The following TGM6 variants were observed in gnomAD, a reference collection of about 807,000 sequenced individuals.
TGM6 encodes the protein transglutaminase 6.
Under a neutral mutation model 77.5 loss-of-function variants are expected in TGM6, and 74 were observed. The observed-to-expected ratio is 0.96, with a 90% CI of 0.79 to 1.16. TGM6 has a LOEUF of 1.16. Ranked by LOEUF, TGM6 falls within the 50% of genes most tolerant of loss-of-function variation. The pLI, the probability that TGM6 is intolerant of heterozygous loss-of-function variation, is 0.00. For missense variants in TGM6, 968 were observed against 940.2 expected (o/e 1.03, Z -0.39); for synonymous variants, 383 against 378.9 (o/e 1.01, Z -0.12).
chr20:2,399,466 C>T, intron 5 of TGM6, 95 bp from the exon 6 acceptor site: 1 of 1,574,506 alleles, frequency 6.4e-7, no homozygotes. Context: ...CCCCGATGGA[C>T]CTGGTGGTCC....
chr20:2,395,346 T>C lies in TGM6; in HGVS notation c.334T>C (p.Tyr112His), dbSNP rs2084657402. ...CCCTCCCAGTGCTGTCATTGGCCGC[T>C]ACCTGCTGAGCATCAGGCTTTCCTC... ...ASPPSAVIGR[Y>H]LLSIRLSSHR... is the part of the protein sequence containing the mutation. Residue 112 changes from tyrosine to histidine, a missense_variant, in exon 3 of 13, where the codon TAC becomes CAC. Tyr to His is a moderately conservative substitution (Grantham distance 83). Coordinates refer to ENST00000202625, the MANE Select transcript of TGM6 (RefSeq NM_198994.3). 1.9e-6 allele frequency: 3 copies of C among 1,614,236 alleles called. No homozygotes were observed. Among genetic ancestry groups the C allele is most frequent in the Non-Finnish European group, 2.5e-6 (3 of 1,180,040 alleles).
intron 7 of TGM6, among the ~76,000 whole-genome samples, chr20:2,402,217 A>G (rs925954964): frequency 2.6e-5 from 4 of 152,114 alleles, no homozygotes; most frequent in Admixed American, 6.5e-5. Context: ...ACTCCAGCCT[A>G]GGTGACAGAG....
chr20:2,407,871 G>A (rs2084762366), intron 9 of TGM6, among the ~76,000 whole-genome samples: 1 of 152,122 alleles, frequency 6.6e-6, no homozygotes, highest in Non-Finnish European at 1.5e-5. Context: ...AGAGGCAAGG[G>A]GACAAAGAGA....
At chr20:2,386,024 G>A (rs1187295091) in intron 1 of TGM6, among the ~76,000 whole-genome samples, 3 of 152,188 alleles carry the variant, frequency 2.0e-5, no homozygotes, top group African/African-American at 7.2e-5. Flanking sequence ...CTGAGCACAT[G>A]GAAGGGGTGA....
chr20:2,417,703 C>G lies in TGM6; in HGVS notation c.1678+130C>G. ...GAAGGGGACATTCCTGAGCATTGTGCTCAGTGCCTTGCCTCTTGTCCCGAC... is the reference window on the plus strand; with the variant it reads ...GAAGGGGACATTCCTGAGCATTGTGGTCAGTGCCTTGCCTCTTGTCCCGAC... On this transcript the variant is annotated intron_variant, in intron 10 of 12. Coordinates refer to ENST00000202625, the MANE Select transcript of TGM6 (RefSeq NM_198994.3). 3.7e-6 allele frequency: 4 copies of G among 1,087,032 alleles called. No individual in the cohort carries two copies. The South Asian group carries it at 4.1e-5, about 11-fold the overall frequency. The allele number at this position is 1,087,032 out of a possible 1,614,324, so 67.3% of individuals were successfully genotyped here.
chr20:2,415,530 C>G (rs559543837), intron 9 of TGM6, among the ~76,000 whole-genome samples: 2 of 152,244 alleles, frequency 1.3e-5, no homozygotes, highest in East Asian at 3.9e-4. Flanking sequence ...TTAATGAAAA[C>G]AGTAATAAAA....
intron 7 of TGM6, among the ~76,000 whole-genome samples, chr20:2,402,036 G>T (rs553983998): frequency 6.6e-6 from 1 of 151,962 alleles, no homozygotes; most frequent in African/African-American, 2.4e-5. Flanking sequence ...TCAGGAGTTC[G>T]AGACCAGCCT....
intron 9 of TGM6, among the ~76,000 whole-genome samples, chr20:2,415,900 G>A (rs929828450): frequency 1.3e-5 from 2 of 152,138 alleles, no homozygotes; most frequent in African/African-American, 4.8e-5. Flanking sequence ...TGTATCAGGG[G>A]CCCTAAACTC....
At chr20:2,387,928 G>A (rs1011634222) in intron 1 of TGM6, among the ~76,000 whole-genome samples, 7 of 152,196 alleles carry the variant, frequency 4.6e-5, no homozygotes, top group African/African-American at 1.4e-4. Flanking sequence ...TGGGTTGGAA[G>A]CCTTGGTTCG....
chr20:2,400,982 C>G lies in TGM6; in HGVS notation c.989+538C>G, dbSNP rs931852295. ...TGAACCCAGGAGGCAGAGGTTGCAG[C>G]GAGCTGAGATCACACCATTACACTC... is the stretch of plus-strand genomic sequence containing the variant. On this transcript the variant is annotated intron_variant, in intron 7 of 12. Transcript: ENST00000202625. Among the ~76,000 whole-genome samples, 4 of 152,082 alleles carry G rather than the reference C, an allele frequency of 2.6e-5. No homozygotes were observed. The East Asian group carries it at 7.8e-4, about 29-fold the overall frequency.
intron 3 of TGM6, 53 bp from the exon 4 acceptor site, chr20:2,396,453 G>A: frequency 6.3e-7 from 1 of 1,581,242 alleles, no homozygotes; most frequent in Non-Finnish European, 8.7e-7. Context: ...CCCTTCCCCA[G>A]GCCAGCAAGG....
At position 2,396,590 on chromosome 20, in the gene TGM6, A is replaced by G; in HGVS notation, c.509A>G (p.Lys170Arg). The change falls in exon 4 of 13, where the codon AAG (lysine) becomes AGG (arginine). Residue 170 changes from lysine to arginine, a missense_variant. Transcript: ENST00000202625. Reference sequence around the variant, plus strand: ...GGCATCATCTTCCGAGGCGTGGAGAAGCACATACGAGCCCAGGGCTGGAAC... The same window carrying G: ...GGCATCATCTTCCGAGGCGTGGAGAGGCACATACGAGCCCAGGGCTGGAAC... Reference protein sequence around the residue: ...DSGIIFRGVEKHIRAQGWNYG... With the variant: ...DSGIIFRGVERHIRAQGWNYG... 6.2e-7 allele frequency: 1 copy of G among 1,614,212 alleles called. No homozygotes were observed. The highest frequency in any genetic ancestry group is 8.5e-7 in the Non-Finnish European group (1 of 1,180,032).
chr20:2,425,263 C>T (rs930101155), intron 10 of TGM6, among the ~76,000 whole-genome samples: 1 of 151,896 alleles, frequency 6.6e-6, no homozygotes, highest in Non-Finnish European at 1.5e-5. Flanking sequence ...AGGAGGATTG[C>T]TTGAGCCCAA....
At chr20:2,391,071 G>A (rs1382796850) in intron 1 of TGM6, among the ~76,000 whole-genome samples, 1 of 127,484 alleles carries the variant, frequency 7.8e-6, no homozygotes, top group African/African-American at 3.0e-5. Flanking sequence ...TGAGAACAAC[G>A]AGTGATCTTA....
At chr20:2,422,961 A>AAAG (rs2084866626) in intron 10 of TGM6, among the ~76,000 whole-genome samples, 1 of 151,252 alleles carries the variant, frequency 6.6e-6, no homozygotes, top group African/African-American at 2.4e-5. Flanking sequence ...AAAAAAAAAA[A>AAAG]AAAAAGTTAA....
intron 7 of TGM6, 117 bp from the exon 8 acceptor site, chr20:2,403,280 C>G: frequency 9.5e-7 from 1 of 1,050,348 alleles, no homozygotes; most frequent in Non-Finnish European, 1.4e-6. Flanking sequence ...GAGTGATTCA[C>G]AACATGCAGC....
intron 9 of TGM6, among the ~76,000 whole-genome samples, chr20:2,409,466 T>C (rs573379353): frequency 8.5e-5 from 13 of 152,144 alleles, no homozygotes; most frequent in South Asian, 6.2e-4. Context: ...AATCTCAGCA[T>C]TTTGGGAGGC....
At chr20:2,394,673 C>T (rs769553420) in intron 2 of TGM6, 48 bp downstream of exon 2, 73 of 1,559,320 alleles carry the variant, frequency 4.7e-5, no homozygotes, top group Non-Finnish European at 6.0e-5. Context: ...CTGGAGGGAC[C>T]TGTCTTATGA....
At position 2,395,212 on chromosome 20, in the gene TGM6, C is replaced by T; in HGVS notation, c.200C>T (p.Ala67Val). 1 of 1,613,702 alleles carries T rather than the reference C, an allele frequency of 6.2e-7. No individual in the cohort carries two copies. Among genetic ancestry groups the T allele is most frequent in the East Asian group, 2.2e-5 (1 of 44,884 alleles). The change falls in exon 3 of 13, where the codon GCC becomes GTC. Residue 67 changes from alanine to valine, a missense_variant. Transcript: ENST00000202625. ...TMETGPRASE[A>V]LHTKAVFQTS... The stretch of plus-strand genomic sequence containing the variant: ...CCTCCAGGACCCCGGGCTTCTGAGG[C>T]CCTCCACACCAAAGCTGTGTTCCAG...
Sources: gnomAD v4.1 joint callset for allele counts (sites outside exome capture counted in the v4.1 genomes callset) on GRCh38, gnomAD v4.1.1 for gene constraint, MANE v1.5 for transcripts, NCBI Gene and HGNC (gene_info 2026-07-23, HGNC 2026-07-21) for gene names.